CACNB2: variants seen among roughly 807,000 people sequenced by gnomAD.
CACNB2 encodes calcium voltage-gated channel auxiliary subunit beta 2.
A neutral mutation model predicts 73.3 loss-of-function variants in CACNB2; 42 were observed. The observed-to-expected ratio is 0.57, with a 90% CI of 0.45 to 0.74. CACNB2 has a LOEUF of 0.74. CACNB2 is among the 30% of genes least tolerant of loss of function. CACNB2 has a pLI of 0.00. For missense variants in CACNB2, 940 were observed against 853.0 expected (o/e 1.10, Z -1.27); for synonymous variants, 348 against 310.3 (o/e 1.12, Z -1.28).
chr10:18,351,312 A>T (rs2041696790), intron 2 of CACNB2, among the ~76,000 whole-genome samples: 1 of 152,200 alleles, frequency 6.6e-6, no homozygotes, highest in African/African-American at 2.4e-5. Context: ...GAAGACAATT[A>T]ATTCTGTGAT....
intron 2 of CACNB2, among the ~76,000 whole-genome samples, chr10:18,231,633 C>T (rs1285770680): frequency 6.6e-6 from 1 of 152,178 alleles, no homozygotes; most frequent in Non-Finnish European, 1.5e-5. Flanking sequence ...CTTATAGAAA[C>T]TTGACAGTAC....
chr10:18,509,784 T>C (rs1390321453), intron 6 of CACNB2, among the ~76,000 whole-genome samples: 1 of 152,068 alleles, frequency 6.6e-6, no homozygotes, highest in Non-Finnish European at 1.5e-5. Context: ...AGGGAGACCC[T>C]GTCTCAAATA....
intron 3 of CACNB2, among the ~76,000 whole-genome samples, chr10:18,454,083 C>A (rs930848439): frequency 6.6e-6 from 1 of 152,186 alleles, no homozygotes; most frequent in Admixed American, 6.5e-5. Context: ...TGAAGACAGT[C>A]TCTATTCTCT....
At chr10:18,195,287 C>T (rs2034574122) in intron 2 of CACNB2, among the ~76,000 whole-genome samples, 1 of 152,192 alleles carries the variant, frequency 6.6e-6, no homozygotes, top group Non-Finnish European at 1.5e-5. Flanking sequence ...AAGACAGAAT[C>T]AGTGCTTCAA....
At chr10:18,402,401 A>AAAC (rs879699221) in intron 3 of CACNB2, among the ~76,000 whole-genome samples, 3 of 151,518 alleles carry the variant, frequency 2.0e-5, no homozygotes, top group African/African-American at 7.3e-5. Flanking sequence ...GAAAAAAAAA[A>AAAC]AAAACAGACT....
rs1024769452 is a variant in CACNB2, at chr10:18,402,126, G to A, written c.333+83G>A. On this transcript the variant is annotated intron_variant, in intron 3 of 13. Coordinates refer to ENST00000324631, the MANE Select transcript of CACNB2 (RefSeq NM_201596.3). ...CCACCTGTGGGAGTTTCCCCTAAAG[G>A]TTGTTTGATCTATTAGAGAATTTCA... 4 of 1,454,866 alleles carry A rather than the reference G, an allele frequency of 2.7e-6. No individual in the cohort carries two copies. The African/African-American group carries it at 5.5e-5, about 20-fold the overall frequency. The allele number at this position is 1,454,866 out of a possible 1,614,324, so 90.1% of individuals were successfully genotyped here.
chr10:18,455,041 A>C (rs1048216086), intron 3 of CACNB2, among the ~76,000 whole-genome samples: 8 of 141,482 alleles, frequency 5.7e-5, no homozygotes, highest in Non-Finnish European at 7.9e-5. Context: ...CAATCTCTTA[A>C]AAAAAAAAAA....
At position 18,505,302 on chromosome 10, in the gene CACNB2, GT is replaced by G. The variant is rs1254398460; in HGVS notation, c.594-1168del. 3.3e-5 allele frequency among the ~76,000 whole-genome samples: 5 copies of G among 150,926 alleles called. No homozygotes were observed. The East Asian group carries it at 9.7e-4, about 29-fold the overall frequency. On this transcript the variant is annotated intron_variant, in intron 5 of 13. Transcript: ENST00000324631. Reference sequence around the variant, plus strand: ...GTTTTGGTCTTGGTAATAGGTCCTTGTATAACTGCCAGAAACTGCTTCTATA... The same window carrying G: ...GTTTTGGTCTTGGTAATAGGTCCTTGATAACTGCCAGAAACTGCTTCTATA...
chr10:18,255,826 A>C (rs1588859650), intron 2 of CACNB2, among the ~76,000 whole-genome samples: 1 of 152,202 alleles, frequency 6.6e-6, no homozygotes. Context: ...AGCCAGAAGC[A>C]CTTAAGCAGA....
In CACNB2 at chr10:18,141,052, C is replaced by G. The variant is rs117750299; in HGVS notation, c.120+196C>G. 0.026 allele frequency: 40,620 copies of G among 1,546,614 alleles called. 671 individuals carry two copies. Among genetic ancestry groups the G allele is most frequent in the Middle Eastern group, 0.071 (325 of 4,550 alleles). ...CCTTTTCCTGGCTCTGCCTCGGCTT[C>G]CATTTTTCTCTGCTTCCGAAAAGCC... On this transcript the variant is annotated intron_variant, in intron 1 of 13. Transcript: ENST00000324631.
intron 2 of CACNB2, among the ~76,000 whole-genome samples, chr10:18,259,762 G>A (rs1341589698): frequency 6.6e-6 from 1 of 151,050 alleles, no homozygotes; most frequent in Non-Finnish European, 1.5e-5. Context: ...AATTAAGCAG[G>A]TGTGGTGGCA....
At chr10:18,472,522 C>T (rs771464314) in intron 3 of CACNB2, among the ~76,000 whole-genome samples, 4 of 152,280 alleles carry the variant, frequency 2.6e-5, no homozygotes, top group African/African-American at 9.6e-5. Context: ...CAGGCATGAG[C>T]CACTGTGCCT....
intron 2 of CACNB2, among the ~76,000 whole-genome samples, chr10:18,340,508 C>A (rs2041187143): frequency 6.6e-6 from 1 of 152,202 alleles, no homozygotes; most frequent in African/African-American, 2.4e-5. Context: ...ACCTGTTGTT[C>A]TGTTCTGAAG....
intron 2 of CACNB2, 88 bp downstream of exon 2, chr10:18,151,063 T>G (rs958536536): frequency 5.9e-6 from 5 of 847,168 alleles, no homozygotes; most frequent in Non-Finnish European, 6.2e-6. Flanking sequence ...CCTTAAGATT[T>G]ATGTAGTATG....
chr10:18,189,249 T>A (rs531132989), intron 2 of CACNB2, among the ~76,000 whole-genome samples: 3 of 152,222 alleles, frequency 2.0e-5, no homozygotes, highest in Non-Finnish European at 2.9e-5. Context: ...TAAACGAGAA[T>A]TTAATGCTCA....
intron 3 of CACNB2, among the ~76,000 whole-genome samples, chr10:18,469,934 G>C (rs1202391674): frequency 6.6e-6 from 1 of 152,108 alleles, no homozygotes; most frequent in Non-Finnish European, 1.5e-5. Context: ...TTGAGGTTAA[G>C]AGTCCTGGTT....
chr10:18,460,531 T>A lies in CACNB2; in HGVS notation c.334-37824T>A, dbSNP rs2047515025. On this transcript the variant is annotated intron_variant, in intron 3 of 13. Transcript: ENST00000324631. ...GCCTAGAGATTGAGTTTAGTGATGG[T>A]GCCAGGGAAGATTTTCTTTTCGGCA... Among the ~76,000 whole-genome samples, 4 of 152,182 alleles carry A rather than the reference T, an allele frequency of 2.6e-5. No homozygotes were observed. The South Asian group carries it at 8.3e-4, about 32-fold the overall frequency.
intron 6 of CACNB2, chr10:18,513,476 T>C (rs2050972820): frequency 3.6e-6 from 1 of 278,068 alleles, no homozygotes; most frequent in South Asian, 4.1e-5. Flanking sequence ...ATGCTCCTCA[T>C]CTTCAAGTCC....
At chr10:18,487,188 TC>T (rs987306125) in intron 3 of CACNB2, among the ~76,000 whole-genome samples, 1 of 152,172 alleles carries the variant, frequency 6.6e-6, no homozygotes, top group Non-Finnish European at 1.5e-5. Flanking sequence ...TGTTGTCTGT[TC>T]CTCACTGTAC....
Sources: allele counts gnomAD v4.1 joint callset (sites outside exome capture counted in the v4.1 genomes callset), GRCh38; gene constraint gnomAD v4.1.1; transcripts MANE v1.5; gene names NCBI Gene and HGNC (gene_info 2026-07-23, HGNC 2026-07-21).